KLF12: variants seen among roughly 807,000 people sequenced by gnomAD.
KLF12 encodes the protein KLF transcription factor 12, also known as Krueppel-like factor 12.
Under a neutral mutation model 37.8 loss-of-function variants are expected in KLF12, and 9 were observed. The ratio of observed to expected loss-of-function variants is 0.24; its 90% CI spans 0.14 to 0.42. The LOEUF (loss-of-function observed/expected upper bound fraction) is 0.42. Among genes scored for constraint, KLF12 ranks in the 10% least tolerant of loss-of-function variants. KLF12 has a pLI of 1.00. For missense variants in KLF12, 411 were observed against 516.0 expected (o/e 0.80, Z 1.97); for synonymous variants, 208 against 202.1 (o/e 1.03, Z -0.25).
At position 73,846,319 on chromosome 13, in the gene KLF12, T is replaced by G. The variant is rs749413395; in HGVS notation, c.178A>C (p.Asn60His). ...TCCTCCGGGGGCTCCCCTTTCACATTATTTAGCAACAGGGGAACGGCTTCC... is the reference window on the plus strand; with the variant it reads ...TCCTCCGGGGGCTCCCCTTTCACATGATTTAGCAACAGGGGAACGGCTTCC... Residue 60 changes from asparagine (N) to histidine (H), a missense_variant, in exon 4 of 8, where the codon AAT becomes CAT. Asn to His is a moderately conservative substitution (Grantham distance 68). This residue lies in a region of KLF12 where 351 missense variants were observed against 397.8 expected (regional missense o/e 0.88). Transcript: ENST00000377669. 1.9e-6 allele frequency: 3 copies of G among 1,613,848 alleles called. No individual in the cohort carries two copies. Among genetic ancestry groups the G allele is most frequent in the Non-Finnish European group, 8.5e-7 (1 of 1,179,984 alleles).
the KLF12 span, among the ~76,000 whole-genome samples, chr13:74,270,690 T>C: frequency 6.6e-6 from 1 of 152,192 alleles, no homozygotes; most frequent in Non-Finnish European, 1.5e-5. Flanking sequence ...AGCAAATTAT[T>C]GAGTGTGTAG....
chr13:74,112,695 C>G (rs1238641841), intron 1 of KLF12, among the ~76,000 whole-genome samples: 1 of 152,092 alleles, frequency 6.6e-6, no homozygotes, highest in Non-Finnish European at 1.5e-5. Flanking sequence ...CTGGCAATTC[C>G]TTCATCTCTC....
chr13:74,092,668 A>C (rs1464191712), intron 1 of KLF12, among the ~76,000 whole-genome samples: 1 of 151,312 alleles, frequency 6.6e-6, no homozygotes, highest in Non-Finnish European at 1.5e-5. Flanking sequence ...AAAAAGAAAA[A>C]GACAGCCTAT....
the KLF12 span, among the ~76,000 whole-genome samples, chr13:74,240,975 C>T: frequency 5.9e-5 from 9 of 151,926 alleles, no homozygotes; most frequent in Admixed American, 3.3e-4. Flanking sequence ...AGCTTTGTTC[C>T]GTTGCTGGTG....
At chr13:73,735,396 G>A (rs547633442) in intron 6 of KLF12, among the ~76,000 whole-genome samples, 50 of 152,192 alleles carry the variant, frequency 3.3e-4, no homozygotes, top group South Asian at 8.3e-4. Flanking sequence ...AACAAAAGTC[G>A]GTGCCTCCAT....
At chr13:74,125,164 T>TACACACAC (rs1402592186) in intron 1 of KLF12, among the ~76,000 whole-genome samples, 4 of 135,196 alleles carry the variant, frequency 3.0e-5, no homozygotes, top group African/African-American at 1.1e-4. Flanking sequence ...AATATATATA[T>TACACACAC]ATACACACAC....
chr13:74,237,418 G>A, the KLF12 span, among the ~76,000 whole-genome samples: 101 of 140,080 alleles, frequency 7.2e-4, 5 homozygotes, highest in African/African-American at 3.1e-3. Flanking sequence ...TTGATTTGGC[G>A]ACGCGGGCTC....
intron 3 of KLF12, among the ~76,000 whole-genome samples, chr13:73,919,159 T>A (rs751936218): frequency 6.6e-6 from 1 of 152,206 alleles, no homozygotes; most frequent in Non-Finnish European, 1.5e-5. Context: ...TTTTAGGAAA[T>A]CTTGAAGTTC....
In KLF12 at chr13:74,047,207, A is replaced by C. The variant is rs140608250; in HGVS notation, c.-31-52154T>G. 1.8e-3 allele frequency among the ~76,000 whole-genome samples: 269 copies of C among 152,142 alleles called. 1 individual carries two copies. Among genetic ancestry groups the C allele is most frequent in the African/African-American group, 5.7e-3 (238 of 41,504 alleles). ...AGCAGTGGTCATATGACCCAAGCCT[A>C]ACAGCTGTGAGGATTTGCCCCTTAG... On this transcript the variant is annotated intron_variant, in intron 1 of 7. Transcript: ENST00000377669.
intron 2 of KLF12, among the ~76,000 whole-genome samples, chr13:73,990,754 T>C (rs987728738): frequency 2.6e-5 from 4 of 152,224 alleles, no homozygotes; most frequent in African/African-American, 9.7e-5. Flanking sequence ...GATATTAATA[T>C]GAAATTAATC....
intron 5 of KLF12, among the ~76,000 whole-genome samples, chr13:73,796,745 T>A (rs1486847880): frequency 1.3e-5 from 2 of 152,100 alleles, no homozygotes; most frequent in East Asian, 3.8e-4. Context: ...AAAACATATG[T>A]CCACAGAAAA....
At chr13:74,291,455 A>G in the KLF12 span, among the ~76,000 whole-genome samples, 2 of 152,342 alleles carry the variant, frequency 1.3e-5, no homozygotes, top group Admixed American at 6.5e-5. Context: ...TGAGGCCCCA[A>G]GCATGGCTCT....
At chr13:74,288,089 C>A in the KLF12 span, among the ~76,000 whole-genome samples, 1 of 140,450 alleles carries the variant, frequency 7.1e-6, no homozygotes, top group Non-Finnish European at 1.6e-5. Context: ...GAAAAAAAAA[C>A]TGGGGAGAAC....
intron 2 of KLF12, among the ~76,000 whole-genome samples, chr13:73,982,040 C>CT (rs1891700891): frequency 7.2e-6 from 1 of 139,340 alleles, no homozygotes; most frequent in South Asian, 2.4e-4. Context: ...CATATATATT[C>CT]TTTTTTATCT....
At chr13:74,181,010 G>C in the KLF12 span, among the ~76,000 whole-genome samples, 1 of 151,528 alleles carries the variant, frequency 6.6e-6, no homozygotes, top group Admixed American at 6.6e-5. Context: ...TTTTTCTTTT[G>C]TTTTTTTTGA....
the KLF12 span, among the ~76,000 whole-genome samples, chr13:74,303,884 T>C: frequency 2.0e-5 from 3 of 152,252 alleles, no homozygotes; most frequent in African/African-American, 7.2e-5. Context: ...GATCATGCCC[T>C]AAGGACTTTT....
In KLF12 at chr13:73,731,698, G is replaced by A. The variant is rs553851431; in HGVS notation, c.870-16173C>T. ...TTAATTATAGGAGTTTGTTTTTCAG[G>A]ACCTCAAAGAGATGCACTTAAGTGG... On this transcript the variant is annotated intron_variant, in intron 6 of 7. Coordinates refer to ENST00000377669, the MANE Select transcript of KLF12 (RefSeq NM_007249.5). Among the ~76,000 whole-genome samples, 3 of 152,166 alleles carry A rather than the reference G, an allele frequency of 2.0e-5. No individual in the cohort carries two copies. The South Asian group carries it at 6.2e-4, about 32-fold the overall frequency.
intron 6 of KLF12, among the ~76,000 whole-genome samples, chr13:73,745,170 G>A (rs1340968746): frequency 6.6e-6 from 1 of 152,176 alleles, no homozygotes; most frequent in African/African-American, 2.4e-5. Flanking sequence ...ATAACTGCAG[G>A]ATGGGGTTCT....
At chr13:73,829,090 T>C (rs2138566157) in intron 4 of KLF12, among the ~76,000 whole-genome samples, 1 of 152,276 alleles carries the variant, frequency 6.6e-6, no homozygotes, top group Admixed American at 6.5e-5. Flanking sequence ...ATTACAGAGC[T>C]TGTCTCACTG....
Sources: allele counts gnomAD v4.1 joint callset (sites outside exome capture counted in the v4.1 genomes callset), GRCh38; gene constraint gnomAD v4.1.1; regional missense constraint gnomAD v4.1.1; transcripts MANE v1.5; gene names NCBI Gene and HGNC (gene_info 2026-07-23, HGNC 2026-07-21).